The following SHANK2 variants were observed in gnomAD, a reference collection of about 807,000 sequenced individuals.
SHANK2 encodes the protein SH3 and multiple ankyrin repeat domains protein 2.
SHANK2 carries 43 observed loss-of-function variants against 133.7 expected under a neutral mutation model. The ratio of observed to expected loss-of-function variants is 0.32; its 90% confidence interval spans 0.25 to 0.41. The LOEUF is 0.41. Ranked by LOEUF, SHANK2 falls within the 10% of genes least tolerant of loss-of-function variation. SHANK2 has a pLI of 1.00. For synonymous variants in SHANK2, 1,017 were observed against 952.8 expected (o/e 1.07, Z -1.24); for missense variants, 1,994 against 2,235.8 (o/e 0.89, Z 2.18).
At chr11:70,775,094 G>C (rs575646136) in intron 14 of SHANK2, among the ~76,000 whole-genome samples, 20 of 152,298 alleles carry the variant, frequency 1.3e-4, no homozygotes, top group African/African-American at 4.3e-4. Context: ...AGGAGTTTAA[G>C]GCTGCAGTGA....
intron 8 of SHANK2, among the ~76,000 whole-genome samples, chr11:71,090,790 G>C (rs373084213): frequency 6.6e-6 from 1 of 152,178 alleles, no homozygotes; most frequent in South Asian, 2.1e-4. Flanking sequence ...AATCACGGAG[G>C]CTGTAAGTCT....
chr11:70,841,993 C>G (rs916103450), intron 11 of SHANK2, among the ~76,000 whole-genome samples: 1 of 152,146 alleles, frequency 6.6e-6, no homozygotes, highest in Admixed American at 6.5e-5. Context: ...TGGGACCTAA[C>G]TGCCCTTCTC....
chr11:70,501,960 A>G, intron 19 of SHANK2, 29 bp from the exon 20 acceptor site: 1 of 1,554,278 alleles, frequency 6.4e-7, no homozygotes, highest in Non-Finnish European at 8.7e-7. Flanking sequence ...ATTCAAAACA[A>G]AACAATGTTA....
At chr11:70,537,823 G>T (rs1256153786) in intron 17 of SHANK2, among the ~76,000 whole-genome samples, 5 of 152,220 alleles carry the variant, frequency 3.3e-5, no homozygotes, top group African/African-American at 1.2e-4. Context: ...GTGTGTGCGG[G>T]GCCAGGCCTG....
rs1390042020 is a variant in SHANK2, at chr11:70,500,689, G to T, written c.2288-99C>A. The T allele has an allele frequency of 2.0e-6, 3 of 1,508,770 alleles. No homozygotes were observed. Among genetic ancestry groups the T allele is most frequent in the South Asian group, 2.4e-5 (2 of 83,366 alleles). 93.5% of individuals were successfully genotyped at this position (1,508,770 alleles called of 1,614,324 possible). A position where few individuals can be genotyped will look rare whatever the true frequency, so the allele number is the denominator to read the frequency against. On this transcript the variant is annotated intron_variant, in intron 20 of 25. Transcript: ENST00000601538. The surrounding 1 kb of genome is among the most constrained non-coding windows in gnomAD (Gnocchi z 4.5). ...TCAGCTCAGGGCGCCTCAGGAGCAG[G>T]CTGGGCCGGCAATGGGGCGGCAGGC...
At chr11:70,683,423 A>G (rs1368884583) in intron 15 of SHANK2, among the ~76,000 whole-genome samples, 1 of 152,162 alleles carries the variant, frequency 6.6e-6, no homozygotes, top group African/African-American at 2.4e-5. Flanking sequence ...CCACCCCTGG[A>G]ACTTGCCGCC....
intron 14 of SHANK2, among the ~76,000 whole-genome samples, chr11:70,738,595 A>C (rs558735833): frequency 5.3e-5 from 8 of 152,206 alleles, no homozygotes; most frequent in African/African-American, 1.7e-4. Flanking sequence ...AAACTTATCC[A>C]CTGTTTCAGC....
chr11:70,914,304 A>G (rs1950237547), intron 10 of SHANK2, among the ~76,000 whole-genome samples: 1 of 151,090 alleles, frequency 6.6e-6, no homozygotes, highest in Admixed American at 6.6e-5. Flanking sequence ...TCTTCCTCTC[A>G]GGTAGAATCC....
At chr11:70,798,349 C>T (rs186227116) in intron 14 of SHANK2, 94 bp downstream of exon 14, 21 of 697,540 alleles carry the variant, frequency 3.0e-5, no homozygotes, top group African/African-American at 8.7e-5. Context: ...CCCTCTACGA[C>T]GCAACGGCCG....
In SHANK2 at chr11:70,628,326, G is replaced by T. The variant is rs534204492; in HGVS notation, c.2061+31502C>A. The stretch of plus-strand genomic sequence containing the variant: ...TGGGAGGGTCCGGGAGCAGAACGTG[G>T]AAGCCAAATTCTGACGGGCGCAGCA... On this transcript the variant is annotated intron_variant, in intron 17 of 25. Coordinates refer to ENST00000601538, the MANE Select transcript of SHANK2 (RefSeq NM_012309.5). 3.3e-5 allele frequency among the ~76,000 whole-genome samples: 5 copies of T among 152,250 alleles called. No homozygotes were observed. The South Asian group carries it at 1.0e-3, about 32-fold the overall frequency.
chr11:70,948,243 TCCTG>T, intron 10 of SHANK2: 2 of 456,690 alleles, frequency 4.4e-6, no homozygotes, highest in Non-Finnish European at 4.4e-6. Flanking sequence ...GTATTTTTCT[TCCTG>T]TCATTTACCA....
chr11:70,945,340 G>T (rs1555085171), intron 10 of SHANK2, among the ~76,000 whole-genome samples: 1 of 152,144 alleles, frequency 6.6e-6, no homozygotes, highest in Admixed American at 6.5e-5. Flanking sequence ...TTGAGCAGAG[G>T]GAGGAGGTGA....
intron 6 of SHANK2, among the ~76,000 whole-genome samples, chr11:71,109,206 C>T (rs1951849995): frequency 6.6e-6 from 1 of 152,178 alleles, no homozygotes; most frequent in East Asian, 1.9e-4. Flanking sequence ...ACCTCCACCC[C>T]TCTTGGTTCT....
At chr11:70,772,076 G>A (rs1947261938) in intron 14 of SHANK2, among the ~76,000 whole-genome samples, 1 of 152,158 alleles carries the variant, frequency 6.6e-6, no homozygotes, top group Non-Finnish European at 1.5e-5. Flanking sequence ...ATGATTCAGA[G>A]TCTCCGGGTG....
intron 14 of SHANK2, among the ~76,000 whole-genome samples, chr11:70,785,978 C>G (rs1555046371): frequency 6.6e-6 from 1 of 152,088 alleles, no homozygotes; most frequent in Non-Finnish European, 1.5e-5. Context: ...GGGCTGGTGT[C>G]CTACCTGCTA....
chr11:71,250,328 T>G (rs1410173826), intron 1 of SHANK2, among the ~76,000 whole-genome samples: 1 of 152,148 alleles, frequency 6.6e-6, no homozygotes, highest in East Asian at 1.9e-4. Context: ...CTGGGTGTAA[T>G]AATGGAATCA....
intron 11 of SHANK2, among the ~76,000 whole-genome samples, chr11:70,824,239 G>T (rs1353838761): frequency 6.6e-6 from 1 of 152,076 alleles, no homozygotes; most frequent in African/African-American, 2.4e-5. Flanking sequence ...CAAGCCTGGG[G>T]AGCCGCACAG....
intron 14 of SHANK2, among the ~76,000 whole-genome samples, chr11:70,752,719 A>AAAAAAAAAAAC: frequency 6.6e-6 from 1 of 151,626 alleles, no homozygotes; most frequent in Non-Finnish European, 1.5e-5. Flanking sequence ...AAAAAAAAAA[A>AAAAAAAAAAAC]AATCAATTCA....
Position 70,873,648 on chromosome 11 carries a change from C to A in SHANK2, c.1174+22853G>T, listed in dbSNP as rs1590783828. ...GCAAAGATGGCAGCACAGGCCAGAG[C>A]CCGCAGCAACCACTTAATCCACCCT... On this transcript the variant is annotated intron_variant, in intron 11 of 25. Transcript: ENST00000601538. 3.3e-5 allele frequency among the ~76,000 whole-genome samples: 5 copies of A among 152,330 alleles called. No individual in the cohort carries two copies. In the South Asian group the frequency reaches 1.0e-3, roughly 32 times the overall value.
Sources: allele counts gnomAD v4.1 joint callset (sites outside exome capture counted in the v4.1 genomes callset), GRCh38; gene constraint gnomAD v4.1.1; non-coding constraint Gnocchi (gnomAD v3.1); transcripts MANE v1.5; gene names NCBI Gene and HGNC (gene_info 2026-07-23, HGNC 2026-07-21).